LTBP2: variants seen among roughly 807,000 people sequenced by gnomAD.
The protein encoded by LTBP2 is latent transforming growth factor beta binding protein 2.
A neutral mutation model predicts 210.6 loss-of-function variants in LTBP2; 103 were observed. That is an observed-to-expected ratio of 0.49 (90% CI 0.42 to 0.58). LTBP2 has a LOEUF of 0.58. Ranked by LOEUF, LTBP2 falls within the 20% of genes least tolerant of loss-of-function variation. The probability of loss-of-function intolerance (pLI) is 0.00; values close to 1 mark genes in which losing one functional copy is unlikely to be tolerated. For synonymous variants in LTBP2, 1,007 were observed against 1,015.0 expected (o/e 0.99, Z 0.15); for missense variants, 2,313 against 2,494.5 (o/e 0.93, Z 1.55).
chr14:74,536,030 C>T (rs1389442111), intron 8 of LTBP2, 30 bp from the exon 9 acceptor site: 2 of 1,594,920 alleles, frequency 1.3e-6, no homozygotes, highest in South Asian at 1.1e-5. Flanking sequence ...ACAGGTCTCA[C>T]TGGACGGCCC....
intron 10 of LTBP2, among the ~76,000 whole-genome samples, chr14:74,530,968 G>A (rs1003141107): frequency 1.2e-4 from 18 of 152,206 alleles, no homozygotes; most frequent in African/African-American, 3.9e-4. Flanking sequence ...TCATGTGCCC[G>A]CCACAGGTAA....
intron 3 of LTBP2, among the ~76,000 whole-genome samples, chr14:74,580,309 G>A (rs951578716): frequency 6.6e-5 from 10 of 152,150 alleles, no homozygotes; most frequent in African/African-American, 1.7e-4. Flanking sequence ...ATGTGACCTC[G>A]TTTGGAAATA....
intron 9 of LTBP2, among the ~76,000 whole-genome samples, chr14:74,532,965 G>A (rs550343949): frequency 7.9e-5 from 12 of 152,234 alleles, no homozygotes; most frequent in South Asian, 4.2e-4. Context: ...TCAGCCTCCC[G>A]AGTAGCTGGA....
chr14:74,506,395 CAG>C (rs1156852208), intron 27 of LTBP2, among the ~76,000 whole-genome samples: 1 of 152,228 alleles, frequency 6.6e-6, no homozygotes. Flanking sequence ...CAAACGGTCA[CAG>C]AAGTGCACAA....
intron 8 of LTBP2, among the ~76,000 whole-genome samples, chr14:74,542,396 T>A (rs2087519809): frequency 6.6e-6 from 1 of 152,184 alleles, no homozygotes; most frequent in Non-Finnish European, 1.5e-5. Context: ...TGGCGCTGAC[T>A]CCATGAGTAG....
intron 3 of LTBP2, among the ~76,000 whole-genome samples, chr14:74,565,989 C>A (rs756922515): frequency 5.3e-5 from 8 of 152,040 alleles, no homozygotes; most frequent in African/African-American, 1.9e-4. Flanking sequence ...TTAATATTAA[C>A]GGAAAAATGT....
chr14:74,579,402 G>A (rs1447727302), intron 3 of LTBP2, among the ~76,000 whole-genome samples: 1 of 152,224 alleles, frequency 6.6e-6, no homozygotes, highest in Non-Finnish European at 1.5e-5. Flanking sequence ...TTGGGTGGAG[G>A]CAGGCAGCAC....
rs530475632 is a variant in LTBP2 at position 74,552,824 on chromosome 14, G to A, written c.1192+68C>T. ...GAGCAGCGGGCTCCAGTCCAAGGCA[G>A]GCCTGGCTCTCTGGCCATCTACCCT... On this transcript the variant is annotated intron_variant, in intron 5 of 35. Transcript: ENST00000261978. 1.1e-5 allele frequency: 17 copies of A among 1,555,902 alleles called. No individual in the cohort carries two copies. The East Asian group carries it at 4.0e-4, about 37-fold the overall frequency.
intron 27 of LTBP2, 102 bp from the exon 28 acceptor site, chr14:74,506,293 G>C: frequency 6.7e-7 from 1 of 1,487,298 alleles, no homozygotes; most frequent in South Asian, 1.1e-5. Flanking sequence ...GCTAGGCCTT[G>C]GGGAAGAAAC....
intron 8 of LTBP2, among the ~76,000 whole-genome samples, chr14:74,542,185 G>A (rs10873271): frequency 0.58 from 87,568 of 152,058 alleles, 25,721 homozygotes; most frequent in Middle Eastern, 0.69. Context: ...TTCCTGGTAA[G>A]GACATCGGGA....
chr14:74,529,042 G>T lies in LTBP2; in HGVS notation c.2068C>A (p.Arg690=), dbSNP rs746693087. The change falls in exon 11 of 36, where the codon CGG becomes AGG. Residue 690 remains arginine, a synonymous_variant. Coordinates refer to ENST00000261978, the MANE Select transcript of LTBP2 (RefSeq NM_000428.3). The part of the protein sequence containing the change: ...PGTCTLPLAQ[R]ITKQICCCSR... ...CAGCAGCATATCTGCTTGGTGATCC[G>T]CTGGGCCAAAGGCAGGGTGCAGGTG... 4.4e-6 allele frequency: 7 copies of T among 1,579,300 alleles called. No homozygotes were observed. Among genetic ancestry groups the T allele is most frequent in the South Asian group, 1.2e-5 (1 of 86,572 alleles).
At chr14:74,505,987 G>C in intron 28 of LTBP2, 61 bp downstream of exon 28, 1 of 1,605,760 alleles carries the variant, frequency 6.2e-7, no homozygotes, top group Non-Finnish European at 8.5e-7. Context: ...GAGGGATGCA[G>C]AGGGACACGC....
At chr14:74,532,183 TG>T (rs1177411907) in intron 10 of LTBP2, among the ~76,000 whole-genome samples, 10 of 152,216 alleles carry the variant, frequency 6.6e-5, no homozygotes, top group Non-Finnish European at 1.3e-4. Flanking sequence ...AATTCCAAAC[TG>T]CAAAGGCCCG....
chr14:74,508,527 T>C (rs2139694668), intron 24 of LTBP2, 77 bp downstream of exon 24: 1 of 1,554,882 alleles, frequency 6.4e-7, no homozygotes. Flanking sequence ...GTAGCGCCCA[T>C]GCTCCTGACC....
intron 1 of LTBP2, 99 bp downstream of exon 1, chr14:74,611,352 G>A: frequency 1.5e-6 from 2 of 1,293,534 alleles, no homozygotes; most frequent in Non-Finnish European, 2.0e-6. Context: ...GAGGGACGAG[G>A]GTATGAGAGC....
chr14:74,563,530 C>A (rs774504090), intron 3 of LTBP2, among the ~76,000 whole-genome samples: 1 of 152,236 alleles, frequency 6.6e-6, no homozygotes, highest in East Asian at 1.9e-4. Flanking sequence ...CCAAGATACA[C>A]TGAAAAGTGA....
Position 74,508,504 on chromosome 14 carries a change from C to T in LTBP2, c.3652+100G>A, listed in dbSNP as rs1029924414. The T allele has an allele frequency of 3.3e-6, 5 of 1,534,060 alleles. 1 individual carries two copies. The South Asian group carries it at 6.0e-5, about 18-fold the overall frequency. ...TACTGGTATTAAAAGGGACACCACT[C>T]TAGTCTTAGCCTGTAGCGCCCATGC... On this transcript the variant is annotated intron_variant, in intron 24 of 35. Transcript: ENST00000261978.
chr14:74,551,787 CCT>C (rs2087660447), intron 6 of LTBP2, among the ~76,000 whole-genome samples: 1 of 152,242 alleles, frequency 6.6e-6, no homozygotes, highest in Non-Finnish European at 1.5e-5. Context: ...CTCTCCATCC[CCT>C]GATCCCCTAA....
chr14:74,595,980 T>C (rs745589063), intron 2 of LTBP2, among the ~76,000 whole-genome samples: 2 of 152,082 alleles, frequency 1.3e-5, no homozygotes, highest in Non-Finnish European at 2.9e-5. Flanking sequence ...GTGGATCACC[T>C]GAGGTCAGGT....
Sources: allele counts gnomAD v4.1 joint callset (sites outside exome capture counted in the v4.1 genomes callset), GRCh38; gene constraint gnomAD v4.1.1; transcripts MANE v1.5; gene names NCBI Gene and HGNC (gene_info 2026-07-23, HGNC 2026-07-21).